Variants in ZBBX observed in about 807,000 individuals in gnomAD.
The protein encoded by ZBBX is zinc finger B-box domain-containing protein 1.
A neutral mutation model predicts 108.5 loss-of-function variants in ZBBX; 101 were observed. The observed-to-expected ratio is 0.93, with a 90% CI of 0.79 to 1.10. ZBBX has a LOEUF of 1.10. Ranked by LOEUF, ZBBX falls within the 50% of genes least tolerant of loss-of-function variation. ZBBX has a pLI of 0.00. For synonymous variants in ZBBX, 356 were observed against 323.4 expected (o/e 1.10, Z -1.08); for missense variants, 1,009 against 941.4 (o/e 1.07, Z -0.94).
intron 21 of ZBBX, 98 bp downstream of exon 21, chr3:167,242,407 G>A (rs1720834448): frequency 5.7e-6 from 6 of 1,048,530 alleles, no homozygotes; most frequent in Admixed American, 5.0e-5. Flanking sequence ...GTATACACAT[G>A]AGGACAATCT....
intron 8 of ZBBX, among the ~76,000 whole-genome samples, chr3:167,354,125 A>G (rs1440478374): frequency 6.6e-6 from 1 of 151,976 alleles, no homozygotes; most frequent in Non-Finnish European, 1.5e-5. Flanking sequence ...CATCTAACAC[A>G]AACCTATTTT....
At chr3:167,372,730 A>G in intron 4 of ZBBX, 104 bp downstream of exon 4, 1 of 578,830 alleles carries the variant, frequency 1.7e-6, no homozygotes, top group Non-Finnish European at 3.0e-6. Flanking sequence ...ATAAAAATAC[A>G]GGAATGTGAA....
chr3:167,271,680 C>A (rs76881494), intron 20 of ZBBX, among the ~76,000 whole-genome samples: 1,690 of 152,138 alleles, frequency 0.011, 7 homozygotes, highest in Non-Finnish European at 0.016. Flanking sequence ...TGGACAGTTG[C>A]TTAATATGTA....
the ZBBX span, among the ~76,000 whole-genome samples, chr3:167,215,062 G>A: frequency 2.0e-5 from 3 of 151,732 alleles, no homozygotes; most frequent in Admixed American, 6.6e-5. Flanking sequence ...ACCTAACTTC[G>A]CAACGGAAAA....
At chr3:167,280,147 A>G (rs1464549963) in intron 20 of ZBBX, among the ~76,000 whole-genome samples, 1 of 152,202 alleles carries the variant, frequency 6.6e-6, no homozygotes, top group African/African-American at 2.4e-5. Flanking sequence ...TAAAAACCCT[A>G]GAAGAAAACC....
At chr3:167,289,609 C>T (rs894763311) in intron 18 of ZBBX, among the ~76,000 whole-genome samples, 3 of 152,192 alleles carry the variant, frequency 2.0e-5, no homozygotes, top group Non-Finnish European at 4.4e-5. Context: ...ACCCTCAGAC[C>T]AGGAGATCCC....
At chr3:167,398,045 G>A (rs1748306172) in intron 1 of ZBBX, among the ~76,000 whole-genome samples, 1 of 151,684 alleles carries the variant, frequency 6.6e-6, no homozygotes, top group Admixed American at 6.6e-5. Flanking sequence ...TTTTGTTCTG[G>A]CACTTTGTTT....
At chr3:167,293,952 CAA>C (rs902150393) in intron 18 of ZBBX, among the ~76,000 whole-genome samples, 1 of 152,246 alleles carries the variant, frequency 6.6e-6, no homozygotes, top group African/African-American at 2.4e-5. Flanking sequence ...ACAATTACTA[CAA>C]AGAGAATAAA....
chr3:167,249,955 C>T (rs560562606), intron 20 of ZBBX, among the ~76,000 whole-genome samples: 1 of 152,304 alleles, frequency 6.6e-6, no homozygotes, highest in South Asian at 2.1e-4. Context: ...AGGACTAAGA[C>T]TAAGCCTCTC....
intron 8 of ZBBX, among the ~76,000 whole-genome samples, chr3:167,359,454 T>C (rs1179598064): frequency 1.3e-5 from 2 of 152,030 alleles, no homozygotes; most frequent in African/African-American, 2.4e-5. Flanking sequence ...AATGGGAGGA[T>C]AGAATATGAT....
chr3:167,322,821 C>T (rs1308813024), intron 11 of ZBBX, among the ~76,000 whole-genome samples: 1 of 151,914 alleles, frequency 6.6e-6, no homozygotes, highest in Non-Finnish European at 1.5e-5. Context: ...CTAGTCTCTC[C>T]ACCCTCCCAC....
intron 9 of ZBBX, among the ~76,000 whole-genome samples, chr3:167,341,128 C>A (rs1740466496): frequency 6.6e-6 from 1 of 151,816 alleles, no homozygotes; most frequent in Non-Finnish European, 1.5e-5. Context: ...GTTAGATTAA[C>A]CTTTCCTCTA....
At chr3:167,350,618 A>T (rs1294589274) in intron 8 of ZBBX, 103 bp from the exon 9 acceptor site, 2 of 747,222 alleles carry the variant, frequency 2.7e-6, no homozygotes, top group Non-Finnish European at 4.0e-6. Flanking sequence ...TTATTTCTCT[A>T]ATTAAATACC....
chr3:167,221,211 C>T, the ZBBX span, among the ~76,000 whole-genome samples: 1 of 151,384 alleles, frequency 6.6e-6, no homozygotes. Context: ...AAAAATGATC[C>T]TAAAATTGTT....
chr3:167,385,234 A>T (rs1047064055), upstream of ZBBX, among the ~76,000 whole-genome samples: 1 of 152,014 alleles, frequency 6.6e-6, no homozygotes, highest in Non-Finnish European at 1.5e-5. Context: ...CTAGACTATA[A>T]GCCCTTATAG....
Position 167,345,233 on chromosome 3 carries a change from G to T in ZBBX, c.528+5187C>A, listed in dbSNP as rs143542073. 3.4e-4 allele frequency among the ~76,000 whole-genome samples: 52 copies of T among 151,768 alleles called. No individual in the cohort carries two copies. In the East Asian group the frequency reaches 9.3e-3, roughly 27 times the overall value. On this transcript the variant is annotated intron_variant, in intron 9 of 21. Coordinates refer to ENST00000675490, the MANE Select transcript of ZBBX (RefSeq NM_001199201.2). ...GCACTGAGGATACAGTGATGAACAA[G>T]ACAAAAAAGAGTCCTTCTCACAAGG...
In ZBBX at chr3:167,385,709, C is replaced by A. The variant is rs374945568; in HGVS notation, c.-445-5304G>T. Among the ~76,000 whole-genome samples, 43 of 151,898 alleles carry A rather than the reference C, an allele frequency of 2.8e-4. No homozygotes were observed. The East Asian group carries it at 5.0e-3, about 18-fold the overall frequency. On this transcript the variant is annotated intron_variant, in intron 1 of 21. Coordinates refer to the ZBBX transcript ENST00000455345. The stretch of plus-strand genomic sequence containing the variant: ...ACTGTTTTTGTTAAAAACTAAGACA[C>A]AAACACATGTATTACCCAAGCCCTA...
chr3:167,369,717 G>T (rs1259977685), intron 4 of ZBBX, among the ~76,000 whole-genome samples: 1 of 152,116 alleles, frequency 6.6e-6, no homozygotes, highest in Non-Finnish European at 1.5e-5. Flanking sequence ...AAGTACAGGG[G>T]GCTACCTGGG....
chr3:167,232,182 A>G, the ZBBX span, among the ~76,000 whole-genome samples: 3 of 151,866 alleles, frequency 2.0e-5, no homozygotes, highest in Non-Finnish European at 4.4e-5. Context: ...TTATGTCAAA[A>G]CTGTCTTTTA....
Sources: gnomAD v4.1 joint callset for allele counts (sites outside exome capture counted in the v4.1 genomes callset) on GRCh38, gnomAD v4.1.1 for gene constraint, MANE v1.5 for transcripts, NCBI Gene and HGNC (gene_info 2026-07-23, HGNC 2026-07-21) for gene names.